The following KCNQ3 variants were observed in gnomAD, a reference collection of about 807,000 sequenced individuals.
KCNQ3 encodes the protein potassium voltage-gated channel subfamily KQT member 3.
Under a neutral mutation model 92.5 loss-of-function variants are expected in KCNQ3, and 30 were observed. That is an observed-to-expected ratio of 0.32 (90% CI 0.24 to 0.44). KCNQ3 has a LOEUF of 0.44. KCNQ3 is among the 20% of genes least tolerant of loss of function. The probability of loss-of-function intolerance (pLI) is 1.00; values close to 1 mark genes in which losing one functional copy is unlikely to be tolerated. For missense variants in KCNQ3, 913 were observed against 1,140.3 expected (o/e 0.80, Z 2.87); for synonymous variants, 450 against 468.8 (o/e 0.96, Z 0.52).
At chr8:132,161,973 G>A (rs1826004272) in intron 9 of KCNQ3, among the ~76,000 whole-genome samples, 1 of 152,234 alleles carries the variant, frequency 6.6e-6, no homozygotes, top group Non-Finnish European at 1.5e-5. Context: ...CCTGGATGAA[G>A]GAGACTGAGT....
chr8:132,445,318 T>A (rs1403403083), intron 1 of KCNQ3, among the ~76,000 whole-genome samples: 1 of 151,794 alleles, frequency 6.6e-6, no homozygotes, highest in East Asian at 1.9e-4. Context: ...TGAGCAAAGG[T>A]GAGGAGGAGG....
intron 1 of KCNQ3, among the ~76,000 whole-genome samples, chr8:132,463,007 A>G (rs1822096778): frequency 6.6e-6 from 1 of 152,206 alleles, no homozygotes; most frequent in African/African-American, 2.4e-5. Context: ...AGACAATGTT[A>G]GCATTCCGGG....
intron 1 of KCNQ3, among the ~76,000 whole-genome samples, chr8:132,235,577 A>G (rs1423989338): frequency 6.6e-6 from 1 of 152,214 alleles, no homozygotes; most frequent in African/African-American, 2.4e-5. Flanking sequence ...ACCACACATG[A>G]AAAACAATAC....
chr8:132,281,825 C>T (rs1438175396), intron 1 of KCNQ3, among the ~76,000 whole-genome samples: 2 of 152,146 alleles, frequency 1.3e-5, no homozygotes, highest in East Asian at 3.9e-4. Context: ...GGGGTGGAGC[C>T]CCAGGTCCTG....
At chr8:132,386,405 A>T (rs1158327938) in intron 1 of KCNQ3, among the ~76,000 whole-genome samples, 2 of 152,184 alleles carry the variant, frequency 1.3e-5, no homozygotes, top group Non-Finnish European at 1.5e-5. Context: ...GGAAGCATAT[A>T]TAATCACAGA....
At chr8:132,355,660 G>A (rs780308351) in intron 1 of KCNQ3, among the ~76,000 whole-genome samples, 4 of 152,160 alleles carry the variant, frequency 2.6e-5, no homozygotes, top group Non-Finnish European at 4.4e-5. Context: ...AAAGGGATGA[G>A]AAGGGGAATG....
intron 6 of KCNQ3, 114 bp from the exon 7 acceptor site, chr8:132,172,807 G>A (rs1255998315): frequency 1.2e-5 from 9 of 764,840 alleles, no homozygotes; most frequent in Non-Finnish European, 2.1e-5. Context: ...AGTCCTTGCA[G>A]TGACAACACT....
At chr8:132,305,889 G>GT (rs144898513) in intron 1 of KCNQ3, among the ~76,000 whole-genome samples, 27 of 150,362 alleles carry the variant, frequency 1.8e-4, no homozygotes, top group African/African-American at 6.1e-4. Flanking sequence ...GTTTGTTTTT[G>GT]TTTGTTTTGT....
At chr8:132,435,806 G>C (rs985255563) in intron 1 of KCNQ3, among the ~76,000 whole-genome samples, 1 of 152,066 alleles carries the variant, frequency 6.6e-6, no homozygotes, top group Admixed American at 6.5e-5. Flanking sequence ...CAAAGTGCTG[G>C]GATTACAGGT....
At chr8:132,215,748 T>C (rs1352786583) in intron 1 of KCNQ3, among the ~76,000 whole-genome samples, 1 of 152,214 alleles carries the variant, frequency 6.6e-6, no homozygotes, top group East Asian at 1.9e-4. Flanking sequence ...CCATGACTGA[T>C]AGGTGAGGGT....
intron 1 of KCNQ3, among the ~76,000 whole-genome samples, chr8:132,453,582 C>T (rs4520143): frequency 0.096 from 14,619 of 152,130 alleles, 1,073 homozygotes; most frequent in East Asian, 0.24. Context: ...TGAGTGCAGG[C>T]TCAGAGGCCA....
intron 1 of KCNQ3, among the ~76,000 whole-genome samples, chr8:132,222,071 C>T (rs1009789908): frequency 6.6e-6 from 1 of 152,252 alleles, no homozygotes; most frequent in Admixed American, 6.5e-5. Flanking sequence ...CAAATGGGAT[C>T]TAATTAAACT....
chr8:132,260,677 C>A (rs899550273), intron 1 of KCNQ3, among the ~76,000 whole-genome samples: 1 of 152,108 alleles, frequency 6.6e-6, no homozygotes, highest in Non-Finnish European at 1.5e-5. Flanking sequence ...CTTGCCAATA[C>A]AGCAGCTGAA....
intron 1 of KCNQ3, among the ~76,000 whole-genome samples, chr8:132,386,255 T>C (rs1285782188): frequency 6.6e-6 from 1 of 151,996 alleles, no homozygotes; most frequent in Non-Finnish European, 1.5e-5. Context: ...TAGATTAAAA[T>C]AAATAAAGTA....
rs551360371 is a variant in KCNQ3 at position 132,307,908 on chromosome 8, T to C, written c.387-121727A>G. Reference sequence around the variant, plus strand: ...CTCCCCACACTTCCATAGGGTTCTCTTTATGTTCCCTGGTGACAGAAATGT... The same window carrying C: ...CTCCCCACACTTCCATAGGGTTCTCCTTATGTTCCCTGGTGACAGAAATGT... On this transcript the variant is annotated intron_variant, in intron 1 of 14. Coordinates refer to ENST00000388996, the MANE Select transcript of KCNQ3 (RefSeq NM_004519.4). Among the ~76,000 whole-genome samples, 6 of 152,306 alleles carry C rather than the reference T, an allele frequency of 3.9e-5. No individual in the cohort carries two copies. In the South Asian group the frequency reaches 1.2e-3, roughly 32 times the overall value.
intron 1 of KCNQ3, among the ~76,000 whole-genome samples, chr8:132,297,592 T>A (rs1817082199): frequency 8.6e-6 from 1 of 115,694 alleles, no homozygotes; most frequent in African/African-American, 2.9e-5. Context: ...CTCTAAATTA[T>A]TTTAAATGTA....
chr8:132,176,439 G>T (rs1446661435), intron 4 of KCNQ3, among the ~76,000 whole-genome samples: 3 of 152,162 alleles, frequency 2.0e-5, no homozygotes, highest in Non-Finnish European at 4.4e-5. Context: ...TATCATAGTA[G>T]GTTGGGCAGG....
chr8:132,398,979 T>A (rs1468755752), intron 1 of KCNQ3, among the ~76,000 whole-genome samples: 1 of 152,188 alleles, frequency 6.6e-6, no homozygotes, highest in Non-Finnish European at 1.5e-5. Context: ...GCACCATGCT[T>A]GCATGTACCT....
At position 132,471,703 on chromosome 8, in the gene KCNQ3, G is replaced by C. The variant is rs151130703; in HGVS notation, c.386+8444C>G. Reference sequence around the variant, plus strand: ...AATAGAGGAAACACCTTAGGAACCTGGTCTAGGCAAATATTTTATGCCCGT... The same window carrying C: ...AATAGAGGAAACACCTTAGGAACCTCGTCTAGGCAAATATTTTATGCCCGT... On this transcript the variant is annotated intron_variant, in intron 1 of 14. Transcript: ENST00000388996. Among the ~76,000 whole-genome samples the C allele has an allele frequency of 9.9e-5, 15 of 152,164 alleles. No homozygotes were observed. In the East Asian group the frequency reaches 2.9e-3, roughly 29 times the overall value.
Sources: gnomAD v4.1 joint callset for allele counts (sites outside exome capture counted in the v4.1 genomes callset) on GRCh38, gnomAD v4.1.1 for gene constraint, MANE v1.5 for transcripts, NCBI Gene and HGNC (gene_info 2026-07-23, HGNC 2026-07-21) for gene names.